NR2C2: variants seen among roughly 807,000 people sequenced by gnomAD.
NR2C2 encodes Nuclear hormone receptor TR4.
A neutral mutation model predicts 62.9 loss-of-function variants in NR2C2; 6 were observed. The ratio of observed to expected loss-of-function variants is 0.10; its 90% CI spans 0.05 to 0.19. The LOEUF (loss-of-function observed/expected upper bound fraction) is 0.19, where lower values mean the gene tolerates loss of function less well. Ranked by LOEUF, NR2C2 falls within the 10% of genes least tolerant of loss-of-function variation. The pLI is 1.00. For synonymous variants in NR2C2, 272 were observed against 273.8 expected (o/e 0.99, Z 0.07); for missense variants, 479 against 762.7 (o/e 0.63, Z 4.38).
At chr3:15,008,568 C>A (rs79523551) in intron 2 of NR2C2, among the ~76,000 whole-genome samples, 1 of 151,818 alleles carries the variant, frequency 6.6e-6, no homozygotes, top group African/African-American at 2.4e-5. Context: ...CAAAAGTTAT[C>A]CAGTGGCTGG....
At chr3:14,955,669 C>T (rs2039503801) in intron 1 of NR2C2, among the ~76,000 whole-genome samples, 1 of 152,156 alleles carries the variant, frequency 6.6e-6, no homozygotes, top group African/African-American at 2.4e-5. Context: ...AGGATTAAAT[C>T]ATGCCTAGTT....
chr3:14,986,857 G>A (rs1408211268), intron 1 of NR2C2, among the ~76,000 whole-genome samples: 1 of 152,180 alleles, frequency 6.6e-6, no homozygotes, highest in Middle Eastern at 3.2e-3. Context: ...CCACCCAAAC[G>A]TGAACGTAAT....
intron 4 of NR2C2, 116 bp downstream of exon 4, chr3:15,016,370 CA>C (rs1438037273): frequency 7.3e-6 from 5 of 684,240 alleles, no homozygotes; most frequent in Non-Finnish European, 1.3e-5. Context: ...TTGTAGGTTT[CA>C]CATGTGAATT....
chr3:15,042,619 G>GAAC (rs1203250948), intron 13 of NR2C2: 1 of 470,940 alleles, frequency 2.1e-6, no homozygotes. Flanking sequence ...AGAGTGAAGG[G>GAAC]AACACATCTG....
chr3:15,003,252 A>G (rs542854888), intron 1 of NR2C2, among the ~76,000 whole-genome samples: 1 of 152,108 alleles, frequency 6.6e-6, no homozygotes, highest in East Asian at 1.9e-4. Context: ...ACCCAGCCAC[A>G]ATACACTTTC....
chr3:15,026,004 CTTTCT>C (rs2041813731), intron 7 of NR2C2: 1 of 151,808 alleles, frequency 6.6e-6, no homozygotes, highest in African/African-American at 2.4e-5. Flanking sequence ...ATATCTCTGG[CTTTCT>C]TTTCTTTTTC....
At chr3:14,984,034 A>G (rs1329754202) in intron 1 of NR2C2, among the ~76,000 whole-genome samples, 1 of 151,822 alleles carries the variant, frequency 6.6e-6, no homozygotes, top group Non-Finnish European at 1.5e-5. Flanking sequence ...GATTACAGGC[A>G]TGAGCCACCA....
Position 15,043,010 on chromosome 3 carries a change from G to A in NR2C2, c.*2G>A, listed in dbSNP as rs139778021. 3.3e-5 allele frequency: 54 copies of A among 1,612,602 alleles called. No individual in the cohort carries two copies. Among genetic ancestry groups the A allele is most frequent in the East Asian group, 6.7e-5 (3 of 44,872 alleles). On this transcript the variant is annotated 3_prime_UTR_variant, in exon 14 of 14. Coordinates refer to ENST00000425241, the MANE Select transcript of NR2C2 (RefSeq NM_001291694.2). ...CAGATCACCGGAGCCAGTCTATAGC[G>A]CAAACCACACACCTGCCAAGGAGCA... is the stretch of plus-strand genomic sequence containing the variant.
intron 1 of NR2C2, among the ~76,000 whole-genome samples, chr3:14,995,668 C>CGCGTGTGTGTGTGTGTGT (rs1553641024): frequency 2.7e-5 from 4 of 148,526 alleles, no homozygotes; most frequent in African/African-American, 1.0e-4. Flanking sequence ...GTTTTCATTA[C>CGCGTGTGTGTGTGTGTGT]GTGTGTGTGT....
In NR2C2 at chr3:15,022,692, AT is replaced by A. The variant is rs537133603; in HGVS notation, c.557-501del. Among the ~76,000 whole-genome samples the A allele has an allele frequency of 1.1e-3, 174 of 152,032 alleles. 3 individuals carry two copies. The highest frequency in any genetic ancestry group is 4.4e-4 in the Non-Finnish European group (30 of 67,960). ...CACCACCCCCGGCCCAAAGATGGGC[AT>A]TTTTTTATCCTTGAAAGAGTCTATT... is the stretch of plus-strand genomic sequence containing the variant. On this transcript the variant is annotated intron_variant, in intron 5 of 13. Transcript: ENST00000425241.
intron 1 of NR2C2, among the ~76,000 whole-genome samples, chr3:14,952,660 T>A (rs773382367): frequency 3.3e-5 from 5 of 152,202 alleles, no homozygotes; most frequent in African/African-American, 4.8e-5. Flanking sequence ...ATGGATACAT[T>A]TGTGCTCCTG....
rs191721479 is a variant in NR2C2, at chr3:15,017,809, A to T, written c.376+1555A>T. Among the ~76,000 whole-genome samples, 168 of 152,384 alleles carry T rather than the reference A, an allele frequency of 1.1e-3. 1 individual carries two copies. The highest frequency in any genetic ancestry group is 3.3e-3 in the Admixed American group (51 of 15,308). On this transcript the variant is annotated intron_variant, in intron 4 of 13. Coordinates refer to ENST00000425241, the MANE Select transcript of NR2C2 (RefSeq NM_001291694.2). ...GGTTTTGCATACTAGAGCTTAGAAC[A>T]GTGGGATTCTCTGTAGCCACCATAA...
chr3:14,949,060 A>G (rs542882348), intron 1 of NR2C2, among the ~76,000 whole-genome samples: 4 of 152,176 alleles, frequency 2.6e-5, no homozygotes, highest in African/African-American at 4.8e-5. Context: ...AGAGAGCACA[A>G]TTCGGGAGTG....
chr3:14,994,292 A>T (rs2040754794), intron 1 of NR2C2, among the ~76,000 whole-genome samples: 1 of 152,040 alleles, frequency 6.6e-6, no homozygotes, highest in Admixed American at 6.6e-5. Context: ...TCACCACCCA[A>T]GTTAAGAACA....
At chr3:14,954,393 GAAGAA>G (rs1574918950) in intron 1 of NR2C2, among the ~76,000 whole-genome samples, 1 of 151,950 alleles carries the variant, frequency 6.6e-6, no homozygotes, top group Admixed American at 6.6e-5. Flanking sequence ...ATTTTCAAAC[GAAGAA>G]AAGAAAGCAG....
intron 1 of NR2C2, among the ~76,000 whole-genome samples, chr3:14,969,543 T>C (rs2039976173): frequency 6.6e-6 from 1 of 152,206 alleles, no homozygotes; most frequent in African/African-American, 2.4e-5. Flanking sequence ...GCCCGGCCAA[T>C]AAAGATACTT....
chr3:14,950,681 T>G (rs1459183774), intron 1 of NR2C2, among the ~76,000 whole-genome samples: 1 of 152,228 alleles, frequency 6.6e-6, no homozygotes, highest in Non-Finnish European at 1.5e-5. Context: ...ATTATGTGAT[T>G]ATTTGATTAA....
rs1299716533 is a variant in NR2C2, at chr3:15,048,840, C to T, written c.*5832C>T. 1.3e-5 allele frequency: 2 copies of T among 152,646 alleles called. No individual in the cohort carries two copies. The highest frequency in any genetic ancestry group is 2.9e-5 in the Non-Finnish European group (2 of 68,028). 9.5% of individuals were successfully genotyped at this position (152,646 alleles called of 1,614,324 possible). On this transcript the variant is annotated 3_prime_UTR_variant, in exon 14 of 14. Transcript: ENST00000425241. ...TTTGGACTTCTCTGTTAGAATGTAA[C>T]TGCATTACCAGCCCTTTTAAAGGCA...
chr3:15,024,700 C>T (rs2041774057), intron 7 of NR2C2, among the ~76,000 whole-genome samples: 1 of 152,158 alleles, frequency 6.6e-6, no homozygotes, highest in Admixed American at 6.5e-5. Flanking sequence ...AAGGGGGAGA[C>T]TTGCTGGCTC....
Sources: gnomAD v4.1 joint callset for allele counts (sites outside exome capture counted in the v4.1 genomes callset) on GRCh38, gnomAD v4.1.1 for gene constraint, MANE v1.5 for transcripts, NCBI Gene and HGNC (gene_info 2026-07-23, HGNC 2026-07-21) for gene names.